The following CALU variants were observed in gnomAD, a reference collection of about 807,000 sequenced individuals.
CALU encodes the protein calumenin, also known as IEF SSP 9302.
Under a neutral mutation model 37.5 loss-of-function variants are expected in CALU, and 13 were observed. The ratio of observed to expected loss-of-function variants is 0.35; its 90% CI spans 0.23 to 0.55. The LOEUF (loss-of-function observed/expected upper bound fraction) is 0.55. CALU is among the 20% of genes least tolerant of loss of function. The pLI is 0.89. For missense variants in CALU, 282 were observed against 391.7 expected, an observed-to-expected ratio of 0.72 and a Z score of 2.36; for synonymous variants, 114 against 133.8, an observed-to-expected ratio of 0.85 and a Z score of 1.02.
chr7:128,765,107 G>A (rs1801280149), intron 5 of CALU, among the ~76,000 whole-genome samples: 1 of 152,080 alleles, frequency 6.6e-6, no homozygotes, highest in African/African-American at 2.4e-5. Flanking sequence ...ATAGACATGG[G>A]TCTCCCTACA....
Position 128,772,059 on chromosome 7 carries a change from TTTTGTTTTTTTTTTTG to T in CALU, c.*2896_*2911del, listed in dbSNP as rs553708996. 1.3e-5 allele frequency among the ~76,000 whole-genome samples: 1 copy of T among 77,130 alleles called. No individual in the cohort carries two copies. The highest frequency in any genetic ancestry group is 3.6e-5 in the Non-Finnish European group (1 of 27,534). The allele number at this position is 77,130 out of a possible 152,430, so 50.6% of individuals were successfully genotyped here. ...CTCATATTTGGGGCCACTGAGTTTT[TTTTGTTTTTTTTTTTG>T]TTTTGTTTTGTTTTTTCTTTATGTC... is the stretch of plus-strand genomic sequence containing the variant. On this transcript the variant is annotated 3_prime_UTR_variant, in exon 7 of 7. Transcript: ENST00000249364.
chr7:128,748,583 C>G lies in CALU; in HGVS notation c.-1C>G, dbSNP rs759543135. ...TTCATTTTCTTCAAGATCTAATTAT[C>G]ATGGACCTGCGACAGTTTCTTATGT... On this transcript the variant is annotated 5_prime_UTR_variant, in exon 2 of 7. The change creates a new upstream start codon in the 5' untranslated region. Coordinates refer to ENST00000249364, the MANE Select transcript of CALU (RefSeq NM_001219.5). 1 of 1,612,898 alleles carries G rather than the reference C, an allele frequency of 6.2e-7. No individual in the cohort carries two copies. The highest frequency in any genetic ancestry group is 8.5e-7 in the Non-Finnish European group (1 of 1,179,118).
At chr7:128,768,475 T>C (rs1801415639) in intron 6 of CALU, among the ~76,000 whole-genome samples, 1 of 152,204 alleles carries the variant, frequency 6.6e-6, no homozygotes, top group Non-Finnish European at 1.5e-5. Context: ...GAAACAAACC[T>C]TTATCTCTAG....
At chr7:128,746,389 C>T (rs1800438849) in intron 1 of CALU, among the ~76,000 whole-genome samples, 1 of 152,024 alleles carries the variant, frequency 6.6e-6, no homozygotes, top group South Asian at 2.1e-4. Context: ...AACTCCTGAC[C>T]TCAAGTGATC....
At chr7:128,755,216 G>A (rs1800828045) in intron 3 of CALU, among the ~76,000 whole-genome samples, 1 of 148,364 alleles carries the variant, frequency 6.7e-6, no homozygotes, top group Non-Finnish European at 1.5e-5. Context: ...GGAGGCTAAG[G>A]TGGGAGGATC....
At chr7:128,766,859 A>G (rs1299928578) in intron 5 of CALU, among the ~76,000 whole-genome samples, 1 of 152,224 alleles carries the variant, frequency 6.6e-6, no homozygotes, top group Non-Finnish European at 1.5e-5. Context: ...AAAGTGGGAC[A>G]AGGGCAGTTG....
chr7:128,769,658 G>A lies in CALU; in HGVS notation c.*491G>A, dbSNP rs548318829. 6.6e-6 allele frequency: 1 copy of A among 152,472 alleles called. No homozygotes were observed. The highest frequency in any genetic ancestry group is 2.4e-5 in the African/African-American group (1 of 41,544). 9.4% of individuals were successfully genotyped at this position (152,472 alleles called of 1,614,324 possible). A position where few individuals can be genotyped will look rare whatever the true frequency, so the allele number is the denominator to read the frequency against. On this transcript the variant is annotated 3_prime_UTR_variant, in exon 7 of 7. Transcript: ENST00000249364. ...AGAGAGAGAACACTTAGTCTTGCCT[G>A]TCAAAAAGTCCAACATTTCATAGGT... is the stretch of plus-strand genomic sequence containing the variant.
intron 1 of CALU, among the ~76,000 whole-genome samples, chr7:128,742,592 C>T (rs149240204): frequency 1.1e-3 from 172 of 152,264 alleles, no homozygotes; most frequent in African/African-American, 3.9e-3. Flanking sequence ...ATGTATTGCT[C>T]GCAATACTGG....
chr7:128,769,032 T>G, intron 6 of CALU, 31 bp from the exon 7 acceptor site: 1 of 1,220,490 alleles, frequency 8.2e-7, no homozygotes, highest in Non-Finnish European at 1.2e-6. Context: ...AAATATGTTC[T>G]TCTTCAATTC....
intron 3 of CALU, chr7:128,754,847 TATTA>T (rs2128880110): frequency 2.2e-6 from 1 of 446,658 alleles, no homozygotes; most frequent in African/African-American, 2.0e-5. Context: ...TGATTCCCTT[TATTA>T]ATTTTAAATT....
chr7:128,744,398 A>T (rs866201674), intron 1 of CALU, among the ~76,000 whole-genome samples: 2 of 151,898 alleles, frequency 1.3e-5, no homozygotes, highest in African/African-American at 2.4e-5. Flanking sequence ...TTTGGTATGG[A>T]TGGTGTTTTT....
chr7:128,765,106 G>T (rs1260853532), intron 5 of CALU, among the ~76,000 whole-genome samples: 1 of 152,012 alleles, frequency 6.6e-6, no homozygotes, highest in Non-Finnish European at 1.5e-5. Flanking sequence ...TATAGACATG[G>T]GTCTCCCTAC....
chr7:128,749,965 G>A (rs965920766), intron 2 of CALU, among the ~76,000 whole-genome samples: 3 of 152,082 alleles, frequency 2.0e-5, no homozygotes, highest in African/African-American at 4.8e-5. Context: ...GGTGGCTCAC[G>A]CCTGTAATCC....
At chr7:128,754,731 C>T in intron 3 of CALU, 1 of 1,535,822 alleles carries the variant, frequency 6.5e-7, no homozygotes, top group Non-Finnish European at 8.8e-7. Flanking sequence ...GGGTAAGGGG[C>T]AAGATGTCAG....
At chr7:128,750,940 G>A (rs1585005439) in intron 2 of CALU, among the ~76,000 whole-genome samples, 1 of 152,156 alleles carries the variant, frequency 6.6e-6, no homozygotes, top group African/African-American at 2.4e-5. Context: ...ACAAATAGGC[G>A]ATTTTATGTA....
chr7:128,769,284 C>G lies in CALU; in HGVS notation c.*117C>G. ...ACAAACTTTTTAAGACATGAAAAGG[C>G]GTAATGAAAACCATCCCGTCCCCAT... is the stretch of plus-strand genomic sequence containing the variant. On this transcript the variant is annotated 3_prime_UTR_variant, in exon 7 of 7. Transcript: ENST00000249364. 1.7e-6 allele frequency: 1 copy of G among 596,160 alleles called. No homozygotes were observed. Among genetic ancestry groups the G allele is most frequent in the Non-Finnish European group, 3.0e-6 (1 of 338,412 alleles). 36.9% of individuals were successfully genotyped at this position (596,160 alleles called of 1,614,324 possible).
intron 6 of CALU, among the ~76,000 whole-genome samples, chr7:128,767,987 AC>A (rs1251594165): frequency 6.6e-6 from 1 of 151,252 alleles, no homozygotes; most frequent in Non-Finnish European, 1.5e-5. Flanking sequence ...TTGTTCCTTT[AC>A]CTATTACAGG....
At chr7:128,745,617 T>C (rs560852171) in intron 1 of CALU, among the ~76,000 whole-genome samples, 4 of 152,178 alleles carry the variant, frequency 2.6e-5, no homozygotes, top group African/African-American at 9.6e-5. Flanking sequence ...AAAAGAATTG[T>C]TTATAGTTTG....
chr7:128,753,140 G>C (rs918350893), intron 2 of CALU, among the ~76,000 whole-genome samples: 2 of 152,190 alleles, frequency 1.3e-5, no homozygotes, highest in Non-Finnish European at 2.9e-5. Context: ...TTTTCTTAGA[G>C]TCACTAGTAC....
Sources: allele counts gnomAD v4.1 joint callset (sites outside exome capture counted in the v4.1 genomes callset), GRCh38; gene constraint gnomAD v4.1.1; transcripts MANE v1.5; gene names NCBI Gene and HGNC (gene_info 2026-07-23, HGNC 2026-07-21).